PRLR: variants seen among roughly 807,000 people sequenced by gnomAD.
The protein encoded by PRLR is prolactin receptor.
PRLR carries 13 observed loss-of-function variants against 40.2 expected under a neutral mutation model. That is an observed-to-expected ratio of 0.32 (90% CI 0.21 to 0.51). The LOEUF (loss-of-function observed/expected upper bound fraction) is 0.51, where lower values mean the gene tolerates loss of function less well. PRLR is among the 20% of genes least tolerant of loss of function. The probability of loss-of-function intolerance (pLI) is 0.97; values close to 1 mark genes in which losing one functional copy is unlikely to be tolerated. For synonymous variants in PRLR, 269 were observed against 278.7 expected (o/e 0.97, Z 0.35); for missense variants, 656 against 747.3 (o/e 0.88, Z 1.42).
intron 1 of PRLR, among the ~76,000 whole-genome samples, chr5:35,216,437 A>T (rs78655759): frequency 0.018 from 2,801 of 152,332 alleles, 99 homozygotes; most frequent in African/African-American, 0.064. Flanking sequence ...GGGGCATCTT[A>T]GTAGAGTAAG....
chr5:35,152,334 A>C (rs190246535), intron 1 of PRLR, among the ~76,000 whole-genome samples: 144 of 152,330 alleles, frequency 9.5e-4, no homozygotes, highest in African/African-American at 3.3e-3. Flanking sequence ...CGCATGAATA[A>C]AACTGGGAGG....
At chr5:35,149,861 CT>C (rs1049999522) in intron 1 of PRLR, among the ~76,000 whole-genome samples, 78 of 146,004 alleles carry the variant, frequency 5.3e-4, no homozygotes, top group Middle Eastern at 3.6e-3. Context: ...ACTACCTAGT[CT>C]TTTTTTTTTT....
At chr5:35,098,627 G>T (rs1206378294) in intron 2 of PRLR, among the ~76,000 whole-genome samples, 1 of 152,118 alleles carries the variant, frequency 6.6e-6, no homozygotes, top group Non-Finnish European at 1.5e-5. Context: ...ACTTTACTTT[G>T]CCATAAAAGT....
At chr5:35,161,808 C>T (rs1774682718) in intron 1 of PRLR, among the ~76,000 whole-genome samples, 1 of 152,240 alleles carries the variant, frequency 6.6e-6, no homozygotes, top group South Asian at 2.1e-4. Flanking sequence ...GTATGCTTGG[C>T]AGCCCAGATA....
intron 5 of PRLR, among the ~76,000 whole-genome samples, chr5:35,076,621 G>A (rs1343102680): frequency 1.3e-5 from 2 of 152,188 alleles, no homozygotes; most frequent in Non-Finnish European, 2.9e-5. Flanking sequence ...AAAACACTCT[G>A]CAGGATATTA....
intron 1 of PRLR, among the ~76,000 whole-genome samples, chr5:35,148,906 A>G (rs1039283104): frequency 2.6e-5 from 4 of 151,750 alleles, no homozygotes; most frequent in Admixed American, 2.0e-4. Context: ...GGGGTCTTGG[A>G]AGTATATATA....
At chr5:35,049,202 C>A in exon 9 of PRLR, 1 of 701,378 alleles carries the variant, frequency 1.4e-6, no homozygotes, top group South Asian at 1.5e-5. Context: ...CACACAGCAT[C>A]TCCCTGGGGT....
At chr5:35,108,726 A>T (rs1417799993) in intron 2 of PRLR, among the ~76,000 whole-genome samples, 1 of 152,238 alleles carries the variant, frequency 6.6e-6, no homozygotes, top group Non-Finnish European at 1.5e-5. Flanking sequence ...GGACATAAAC[A>T]AATGGAAGAA....
chr5:35,135,611 T>C (rs2962100), intron 1 of PRLR, among the ~76,000 whole-genome samples: 31,570 of 152,066 alleles, frequency 0.21, 5,926 homozygotes, highest in African/African-American at 0.5. Context: ...AGGGTCTACA[T>C]GTGTTTGCCA....
At chr5:35,108,823 T>C (rs1772450581) in intron 2 of PRLR, among the ~76,000 whole-genome samples, 2 of 152,168 alleles carry the variant, frequency 1.3e-5, no homozygotes, top group South Asian at 4.1e-4. Flanking sequence ...GCCATCCCCA[T>C]CAAGCTACCA....
chr5:35,083,552 C>T (rs1465480506), intron 5 of PRLR, among the ~76,000 whole-genome samples: 7 of 149,198 alleles, frequency 4.7e-5, no homozygotes, highest in Non-Finnish European at 1.0e-4. Flanking sequence ...TGGAGTCTCG[C>T]TCTGTGGCCC....
intron 1 of PRLR, among the ~76,000 whole-genome samples, chr5:35,228,448 G>A (rs1322761906): frequency 6.6e-6 from 1 of 152,148 alleles, no homozygotes; most frequent in Non-Finnish European, 1.5e-5. Flanking sequence ...TCCTCTAAAG[G>A]CAAAGTACAG....
chr5:35,215,124 A>G (rs1297549937), intron 1 of PRLR, among the ~76,000 whole-genome samples: 8 of 152,174 alleles, frequency 5.3e-5, no homozygotes, highest in Admixed American at 5.2e-4. Flanking sequence ...GCTCCCTGAA[A>G]AAAAGTCATC....
chr5:35,172,679 G>A (rs1458999939), intron 1 of PRLR, among the ~76,000 whole-genome samples: 1 of 152,176 alleles, frequency 6.6e-6, no homozygotes, highest in East Asian at 1.9e-4. Context: ...ATCCTGCCCT[G>A]TGGAGAAGAC....
At chr5:35,182,135 G>A (rs993542025) in intron 1 of PRLR, among the ~76,000 whole-genome samples, 1 of 152,092 alleles carries the variant, frequency 6.6e-6, no homozygotes, top group Admixed American at 6.6e-5. Context: ...AAACCTTTGT[G>A]AAGAGAATTT....
chr5:35,166,121 C>G (rs981626900), intron 1 of PRLR, among the ~76,000 whole-genome samples: 3 of 152,166 alleles, frequency 2.0e-5, no homozygotes, highest in African/African-American at 7.2e-5. Flanking sequence ...TGAGACAGAA[C>G]AAGACATGCT....
At chr5:35,181,597 TCAG>T (rs1775299402) in intron 1 of PRLR, among the ~76,000 whole-genome samples, 4 of 152,194 alleles carry the variant, frequency 2.6e-5, no homozygotes, top group African/African-American at 9.6e-5. Flanking sequence ...TTTCATAACA[TCAG>T]AACTCATTTA....
chr5:35,051,430 T>A (rs1768493902), downstream of PRLR, among the ~76,000 whole-genome samples: 1 of 152,238 alleles, frequency 6.6e-6, no homozygotes. Flanking sequence ...TCTCAGCAGT[T>A]GGGATTTTCT....
At chr5:35,136,108 A>G (rs1222991214) in intron 1 of PRLR, among the ~76,000 whole-genome samples, 1 of 152,240 alleles carries the variant, frequency 6.6e-6, no homozygotes, top group Non-Finnish European at 1.5e-5. Flanking sequence ...CATACGCAGA[A>G]TGAACATAGA....
Sources: allele counts gnomAD v4.1 joint callset (sites outside exome capture counted in the v4.1 genomes callset), GRCh38; gene constraint gnomAD v4.1.1; transcripts MANE v1.5; gene names NCBI Gene and HGNC (gene_info 2026-07-23, HGNC 2026-07-21).